Variants in CT47C1 observed in about 807,000 individuals in gnomAD.
The protein encoded by CT47C1 is cancer/testis antigen family 47 member C1.
chrX:119,073,820 G>C, the CT47C1 span: 1 of 879,015 alleles, frequency 1.1e-6, no homozygotes, highest in Non-Finnish European at 1.7e-6. Context: ...GGCCGCGTTG[G>C]TCCCAGAGCC....
At chrX:119,075,675 T>G in the CT47C1 span, among the ~76,000 whole-genome samples, 1 of 111,911 alleles carries the variant, frequency 8.9e-6, no homozygotes, top group Non-Finnish European at 1.9e-5. Flanking sequence ...TGTAATTAAG[T>G]CTTAAGGCAT....
At chrX:119,073,730 C>T in the CT47C1 span, 4 of 760,968 alleles carry the variant, frequency 5.3e-6, no homozygotes, top group East Asian at 6.8e-5. Flanking sequence ...CTCAGAAGAG[C>T]CCCGGCTGTT....
the CT47C1 span, chrX:119,073,564 C>T: frequency 2.1e-5 from 11 of 521,344 alleles, no homozygotes; most frequent in African/African-American, 9.1e-5. Flanking sequence ...TCGACTTGGT[C>T]GCGGCCGCCC....
chrX:119,074,808 C>G, the CT47C1 span, among the ~76,000 whole-genome samples: 1 of 111,241 alleles, frequency 9.0e-6, no homozygotes, highest in Non-Finnish European at 1.9e-5. Context: ...TTGTGAAAAC[C>G]AGTAGGAAGG....
the CT47C1 span, among the ~76,000 whole-genome samples, chrX:119,075,435 C>T: frequency 8.9e-6 from 1 of 111,918 alleles, no homozygotes; most frequent in Admixed American, 9.5e-5. Context: ...AGTTGCCAGA[C>T]GCAGCATCTA....
chrX:119,073,571 GC>G, the CT47C1 span: 1 of 526,681 alleles, frequency 1.9e-6, no homozygotes, highest in Non-Finnish European at 3.4e-6. Context: ...GGTCGCGGCC[GC>G]CCGTCGCTAC....
At chrX:119,075,988 C>T in the CT47C1 span, among the ~76,000 whole-genome samples, 2 of 112,311 alleles carry the variant, frequency 1.8e-5, no homozygotes, top group African/African-American at 6.5e-5. Context: ...TTCACAAGCA[C>T]CCTGATATCC....
the CT47C1 span, chrX:119,074,852 C>T: frequency 1.2e-6 from 1 of 844,465 alleles, no homozygotes; most frequent in Non-Finnish European, 1.7e-6. Flanking sequence ...TAAGTCTATC[C>T]TCCTGCTTCT....
the CT47C1 span, chrX:119,073,325 G>A: frequency 1.9e-5 from 10 of 514,390 alleles, no homozygotes; most frequent in Admixed American, 1.0e-4. Flanking sequence ...CCGGGAGGGC[G>A]GTGACTCTGG....
chrX:119,073,982 G>A, the CT47C1 span: 230 of 704,659 alleles, frequency 3.3e-4, no homozygotes, highest in African/African-American at 4.5e-3. Context: ...GGAGGAGCTC[G>A]CAGAGGAGGC....
the CT47C1 span, chrX:119,074,192 G>A: frequency 1.3e-5 from 5 of 392,206 alleles, no homozygotes; most frequent in Admixed American, 4.6e-5. Flanking sequence ...AGTGGGGGTC[G>A]GGCCTCGGGT....
At chrX:119,073,183 C>T in the CT47C1 span, 2 of 468,810 alleles carry the variant, frequency 4.3e-6, no homozygotes, top group East Asian at 7.0e-5. Context: ...ACCGTTGTCA[C>T]CTCAGCCTAG....
At chrX:119,075,055 A>C in the CT47C1 span, 1 of 1,089,538 alleles carries the variant, frequency 9.2e-7, no homozygotes, top group Admixed American at 2.2e-5. Context: ...TGCTGAAAAC[A>C]AGGTGAAGAA....
the CT47C1 span, chrX:119,073,434 G>C: frequency 1.9e-6 from 1 of 518,656 alleles, no homozygotes; most frequent in Non-Finnish European, 3.5e-6. Context: ...GCAGCCCCCG[G>C]GGGTGGGAAC....
the CT47C1 span, chrX:119,073,890 AGGCC>A: frequency 1.2e-6 from 1 of 849,595 alleles, no homozygotes; most frequent in Admixed American, 2.3e-5. Context: ...CCCGCAGAGG[AGGCC>A]TCAGAGAAGC....
At chrX:119,075,486 G>T in the CT47C1 span, among the ~76,000 whole-genome samples, 1 of 111,950 alleles carries the variant, frequency 8.9e-6, no homozygotes, top group Non-Finnish European at 1.9e-5. Context: ...TCATTACTTA[G>T]CCACAGAAAT....
At chrX:119,074,331 T>C in the CT47C1 span, among the ~76,000 whole-genome samples, 1 of 111,536 alleles carries the variant, frequency 9.0e-6, no homozygotes, top group East Asian at 2.8e-4. Flanking sequence ...CTGTGTTTGA[T>C]AGAAGATCTG....
At chrX:119,073,549 C>A in the CT47C1 span, 6 of 519,838 alleles carry the variant, frequency 1.2e-5, no homozygotes, top group African/African-American at 1.4e-4. Flanking sequence ...ACGAGGCGGA[C>A]AACTTCGACT....
At chrX:119,073,762 C>T in the CT47C1 span, 2 of 808,689 alleles carry the variant, frequency 2.5e-6, no homozygotes, top group South Asian at 2.2e-5. Context: ...AGAGGCTGGG[C>T]GTGGGGGCCG....
Sources: gnomAD v4.1 joint callset for allele counts (sites outside exome capture counted in the v4.1 genomes callset) on GRCh38, gnomAD v4.1.1 for gene constraint, MANE v1.5 for transcripts, NCBI Gene and HGNC (gene_info 2026-07-23, HGNC 2026-07-21) for gene names.